SP100: variants seen among roughly 807,000 people sequenced by gnomAD.
SP100 encodes nuclear autoantigen Sp-100.
A neutral mutation model predicts 130.0 loss-of-function variants in SP100; 84 were observed. The ratio of observed to expected loss-of-function variants is 0.65; its 90% CI spans 0.54 to 0.77. The LOEUF is 0.77. Ranked by LOEUF, SP100 falls within the 30% of genes least tolerant of loss-of-function variation. SP100 has a pLI of 0.00. For synonymous variants in SP100, 331 were observed against 351.7 expected, an observed-to-expected ratio of 0.94 and a Z score of 0.66; for missense variants, 978 against 1,052.2, an observed-to-expected ratio of 0.93 and a Z score of 0.97.
chr2:230,433,561 G>C (rs1487943426), intron 2 of SP100, among the ~76,000 whole-genome samples: 1 of 151,986 alleles, frequency 6.6e-6, no homozygotes, highest in Non-Finnish European at 1.5e-5. Flanking sequence ...GAATCATACT[G>C]AGTCTCTAGA....
At chr2:230,464,295 C>A (rs1400565886) in intron 11 of SP100, 145 bp downstream of exon 11, 2 of 601,292 alleles carry the variant, frequency 3.3e-6, no homozygotes, top group Non-Finnish European at 6.1e-6. Context: ...TACATTTAAC[C>A]TCTCTGGCCC....
intron 24 of SP100, among the ~76,000 whole-genome samples, chr2:230,519,605 G>A (rs746847325): frequency 1.3e-5 from 2 of 152,176 alleles, no homozygotes; most frequent in Admixed American, 6.5e-5. Context: ...GGGGTAGAAG[G>A]AGGAGAAGAA....
chr2:230,531,336 G>T (rs546749461), intron 24 of SP100, among the ~76,000 whole-genome samples: 1 of 151,626 alleles, frequency 6.6e-6, no homozygotes, highest in Non-Finnish European at 1.5e-5. Context: ...ACCAAACACC[G>T]CATGTTCTCA....
intron 14 of SP100, chr2:230,469,796 G>T: frequency 1.4e-6 from 2 of 1,405,508 alleles, no homozygotes; most frequent in East Asian, 3.4e-5. Flanking sequence ...AAAAAAAGAA[G>T]AAGAAACAAT....
intron 2 of SP100, among the ~76,000 whole-genome samples, chr2:230,421,076 ACCAAGT>A (rs1164343319): frequency 2.6e-5 from 4 of 152,104 alleles, no homozygotes; most frequent in Non-Finnish European, 4.4e-5. Flanking sequence ...GTTGTTCATA[ACCAAGT>A]CATCTACTAT....
chr2:230,458,829 T>G (rs2064426529), intron 8 of SP100, among the ~76,000 whole-genome samples: 1 of 152,030 alleles, frequency 6.6e-6, no homozygotes, highest in Non-Finnish European at 1.5e-5. Context: ...GATGCGAAAG[T>G]ATTTTTGAAA....
At chr2:230,422,166 T>C (rs2062785883) in intron 2 of SP100, among the ~76,000 whole-genome samples, 1 of 152,184 alleles carries the variant, frequency 6.6e-6, no homozygotes, top group Non-Finnish European at 1.5e-5. Context: ...AAAAGTTGTT[T>C]CTCTTTTATA....
intron 19 of SP100, among the ~76,000 whole-genome samples, chr2:230,502,542 C>T (rs963266737): frequency 4.0e-4 from 61 of 152,210 alleles, no homozygotes; most frequent in African/African-American, 1.4e-3. Flanking sequence ...AAGATGAAGT[C>T]GGTTAATAGA....
intron 12 of SP100, 45 bp downstream of exon 12, chr2:230,466,399 C>A (rs767666837): frequency 2.0e-6 from 2 of 993,358 alleles, no homozygotes; most frequent in South Asian, 2.6e-5. Flanking sequence ...AATAACTTCT[C>A]TTCATGGTTA....
intron 24 of SP100, among the ~76,000 whole-genome samples, chr2:230,531,591 T>G (rs1450186079): frequency 3.3e-5 from 5 of 151,996 alleles, no homozygotes; most frequent in African/African-American, 1.2e-4. Context: ...AAGAAATACA[T>G]TGGCAGTTTG....
chr2:230,507,852 A>T, intron 22 of SP100, 141 bp from the exon 23 acceptor site: 1 of 720,878 alleles, frequency 1.4e-6, no homozygotes, highest in Non-Finnish European at 2.3e-6. Context: ...GAATCATGAA[A>T]AGTAATTTCC....
At chr2:230,478,559 T>G (rs1203919257) in intron 17 of SP100, among the ~76,000 whole-genome samples, 1 of 152,232 alleles carries the variant, frequency 6.6e-6, no homozygotes, top group East Asian at 1.9e-4. Flanking sequence ...TTTAACACTT[T>G]GTCAAATCAG....
chr2:230,529,296 C>G (rs1691585716), intron 24 of SP100, among the ~76,000 whole-genome samples: 1 of 152,164 alleles, frequency 6.6e-6, no homozygotes, highest in Admixed American at 6.5e-5. Flanking sequence ...TAAACGTAAC[C>G]CATCACGTAA....
intron 24 of SP100, among the ~76,000 whole-genome samples, chr2:230,528,517 A>C (rs985962228): frequency 6.9e-6 from 1 of 145,218 alleles, no homozygotes; most frequent in African/African-American, 2.7e-5. Flanking sequence ...AATTAAAAGA[A>C]CTAGAGAAGC....
At chr2:230,498,562 T>C in intron 19 of SP100, 27 bp downstream of exon 19, 1 of 1,227,622 alleles carries the variant, frequency 8.1e-7, no homozygotes, top group Admixed American at 3.0e-5. Flanking sequence ...ACATTTTAAA[T>C]AAATAACGTC....
intron 24 of SP100, among the ~76,000 whole-genome samples, chr2:230,535,175 G>A (rs151073338): frequency 1.3e-5 from 2 of 149,048 alleles, no homozygotes; most frequent in African/African-American, 2.5e-5. Context: ...TAGCCTGGGC[G>A]ACAGAGTGAG....
intron 24 of SP100, among the ~76,000 whole-genome samples, chr2:230,526,194 G>A (rs1176931872): frequency 1.3e-5 from 2 of 152,196 alleles, no homozygotes; most frequent in Non-Finnish European, 2.9e-5. Flanking sequence ...GCCCCTCCGG[G>A]ATGAACCTTC....
At chr2:230,469,799 G>C in intron 14 of SP100, 3 of 1,424,462 alleles carry the variant, frequency 2.1e-6, no homozygotes, top group Non-Finnish European at 2.8e-6. Context: ...AAAAGAAGAA[G>C]AAACAATGTC....
At chr2:230,445,583 A>AAT (rs1350801764) in intron 4 of SP100, among the ~76,000 whole-genome samples, 9 of 152,164 alleles carry the variant, frequency 5.9e-5, no homozygotes, top group South Asian at 4.2e-4. Context: ...GATTTGTGTC[A>AAT]ATACTAACCT....
Sources: allele counts gnomAD v4.1 joint callset (sites outside exome capture counted in the v4.1 genomes callset), GRCh38; gene constraint gnomAD v4.1.1; transcripts MANE v1.5; gene names NCBI Gene and HGNC (gene_info 2026-07-23, HGNC 2026-07-21).